ANXA4: variants seen among roughly 807,000 people sequenced by gnomAD.
ANXA4 encodes the protein 35-beta calcimedin.
Under a neutral mutation model 49.8 loss-of-function variants are expected in ANXA4, and 39 were observed. That is an observed-to-expected ratio of 0.78 (90% confidence interval 0.61 to 1.02). The LOEUF (loss-of-function observed/expected upper bound fraction) is 1.02, where lower values mean the gene tolerates loss of function less well. Ranked by LOEUF, ANXA4 falls within the 50% of genes least tolerant of loss-of-function variation. The pLI is 0.00. For synonymous variants in ANXA4, 134 were observed against 152.5 expected (o/e 0.88, Z 0.89); for missense variants, 360 against 410.1 (o/e 0.88, Z 1.05).
rs749093252 is a variant in ANXA4, at chr2:69,812,609, T to G, written c.478-44T>G. 2.1e-5 allele frequency: 33 copies of G among 1,550,164 alleles called. No individual in the cohort carries two copies. The Middle Eastern group carries it at 1.7e-3, about 79-fold the overall frequency. On this transcript the variant is annotated intron_variant, in intron 7 of 12. Transcript: ENST00000394295. ...TCTTAATGGTGTCCCCAGATCTTCA[T>G]GTATACTCTCGAATTATTTTTTATT...
chr2:69,784,332 G>C (rs1035290873), intron 2 of ANXA4, among the ~76,000 whole-genome samples: 4 of 152,188 alleles, frequency 2.6e-5, no homozygotes, highest in African/African-American at 9.7e-5. Flanking sequence ...GATTCACCTT[G>C]TTATATATTA....
At chr2:69,644,236 A>G (rs1315682276), upstream of ANXA4, among the ~76,000 whole-genome samples, 1 of 133,984 alleles carries the variant, frequency 7.5e-6, no homozygotes, top group African/African-American at 2.8e-5. Flanking sequence ...GCCTCCTGGC[A>G]CAAGGGATTC....
chr2:69,818,629 A>C lies in ANXA4; in HGVS notation c.659A>C (p.Lys220Thr). ...VFDEYKRISQ[K>T]DIEQSIKSET... The stretch of plus-strand genomic sequence containing the variant: ...GATGAATACAAAAGGATATCACAGA[A>C]GGATATTGAACAGAGTATTAAATCT... The change falls in exon 10 of 13, where the codon AAG (lysine) becomes ACG (threonine). Residue 220 changes from lysine (K) to threonine (T), a missense_variant. Lys to Thr is a moderately conservative substitution (Grantham distance 78). Coordinates refer to ENST00000394295, the MANE Select transcript of ANXA4 (RefSeq NM_001153.5). 1 of 1,609,784 alleles carries C rather than the reference A, an allele frequency of 6.2e-7. No individual in the cohort carries two copies. Among genetic ancestry groups the C allele is most frequent in the African/African-American group, 1.3e-5 (1 of 74,898 alleles).
chr2:69,702,297 G>A (rs1034720307), intron 2 of ANXA4, among the ~76,000 whole-genome samples: 4 of 152,082 alleles, frequency 2.6e-5, no homozygotes, highest in African/African-American at 7.2e-5. Context: ...ACAGGTGTGA[G>A]CCACTGCACC....
intron 1 of ANXA4, among the ~76,000 whole-genome samples, chr2:69,650,399 C>G (rs1676188235): frequency 6.6e-6 from 1 of 152,152 alleles, no homozygotes; most frequent in African/African-American, 2.4e-5. Context: ...GCACCATGTG[C>G]TAGACTTTAG....
intron 12 of ANXA4, among the ~76,000 whole-genome samples, chr2:69,824,532 A>C (rs1674382008): frequency 6.6e-6 from 1 of 152,060 alleles, no homozygotes; most frequent in African/African-American, 2.4e-5. Flanking sequence ...GGTTTAAGAA[A>C]ATGCATTTAG....
intron 12 of ANXA4, among the ~76,000 whole-genome samples, chr2:69,823,916 A>G (rs1674351255): frequency 6.6e-6 from 1 of 152,138 alleles, no homozygotes; most frequent in Non-Finnish European, 1.5e-5. Context: ...ACGAATGACT[A>G]ATAAAAATTA....
chr2:69,781,492 A>G, intron 1 of ANXA4, 28 bp from the exon 2 acceptor site: 1 of 1,561,094 alleles, frequency 6.4e-7, no homozygotes, highest in Non-Finnish European at 8.8e-7. Flanking sequence ...CCTTCATCAC[A>G]GTAATTTCCC....
At chr2:69,673,391 A>G (rs889342324) in intron 2 of ANXA4, among the ~76,000 whole-genome samples, 1 of 152,016 alleles carries the variant, frequency 6.6e-6, no homozygotes, top group African/African-American at 2.4e-5. Flanking sequence ...TTCTCAGCAA[A>G]CTAACATGAG....
intron 1 of ANXA4, among the ~76,000 whole-genome samples, chr2:69,779,904 G>A (rs144831104): frequency 2.0e-5 from 3 of 152,298 alleles, no homozygotes; most frequent in African/African-American, 7.2e-5. Context: ...CCCAGGACTA[G>A]TTGGTTCTCC....
intron 3 of ANXA4, among the ~76,000 whole-genome samples, chr2:69,795,902 G>C (rs766542933): frequency 1.3e-5 from 2 of 152,180 alleles, no homozygotes; most frequent in Non-Finnish European, 2.9e-5. Flanking sequence ...TCTTTCCTGA[G>C]ACACCCACCA....
At chr2:69,813,898 C>T (rs1673826676) in intron 8 of ANXA4, among the ~76,000 whole-genome samples, 1 of 150,838 alleles carries the variant, frequency 6.6e-6, no homozygotes, top group Non-Finnish European at 1.5e-5. Flanking sequence ...TCTGGGATTA[C>T]AGGATGCACC....
At chr2:69,684,784 A>G (rs7576953) in intron 2 of ANXA4, among the ~76,000 whole-genome samples, 39,588 of 151,954 alleles carry the variant, frequency 0.26, 5,325 homozygotes, top group East Asian at 0.4. Context: ...GAGATCTTCA[A>G]TTCTCTTCTG....
intron 3 of ANXA4, among the ~76,000 whole-genome samples, chr2:69,798,015 C>T (rs1337507728): frequency 6.6e-6 from 1 of 152,174 alleles, no homozygotes; most frequent in African/African-American, 2.4e-5. Flanking sequence ...CATGCTGTCC[C>T]CACAGCATAC....
At chr2:69,779,998 C>A (rs1330493463) in intron 1 of ANXA4, among the ~76,000 whole-genome samples, 1 of 152,150 alleles carries the variant, frequency 6.6e-6, no homozygotes. Context: ...AGGTAAAAAG[C>A]AAATGTGATC....
At chr2:69,803,798 G>T (rs1673317981) in intron 3 of ANXA4, among the ~76,000 whole-genome samples, 1 of 152,080 alleles carries the variant, frequency 6.6e-6, no homozygotes, top group South Asian at 2.1e-4. Flanking sequence ...AAAAAGGCAA[G>T]AATATGGAAG....
At chr2:69,654,814 G>A (rs1259697216) in intron 2 of ANXA4, among the ~76,000 whole-genome samples, 1 of 152,080 alleles carries the variant, frequency 6.6e-6, no homozygotes, top group Non-Finnish European at 1.5e-5. Flanking sequence ...GCATAGTACT[G>A]GTACCAAAAC....
At chr2:69,666,566 C>T (rs748901784) in intron 2 of ANXA4, among the ~76,000 whole-genome samples, 4 of 152,038 alleles carry the variant, frequency 2.6e-5, no homozygotes, top group African/African-American at 4.8e-5. Context: ...TCATAGTAGC[C>T]GAAAAGTGGA....
chr2:69,805,060 A>G (rs1673384618), intron 4 of ANXA4, among the ~76,000 whole-genome samples: 1 of 150,772 alleles, frequency 6.6e-6, no homozygotes, highest in Non-Finnish European at 1.5e-5. Context: ...AAAAAAAAAA[A>G]AAAAAAAAAA....
Sources: allele counts gnomAD v4.1 joint callset (sites outside exome capture counted in the v4.1 genomes callset), GRCh38; gene constraint gnomAD v4.1.1; transcripts MANE v1.5; gene names NCBI Gene and HGNC (gene_info 2026-07-23, HGNC 2026-07-21).